Variants in HSD17B12 observed in about 807,000 individuals in gnomAD.
The protein encoded by HSD17B12 is very-long-chain 3-oxoacyl-CoA reductase.
HSD17B12 carries 32 observed loss-of-function variants against 39.3 expected under a neutral mutation model. The ratio of observed to expected loss-of-function variants is 0.81; its 90% CI spans 0.61 to 1.09. The LOEUF is 1.09. Ranked by LOEUF, HSD17B12 falls within the 50% of genes least tolerant of loss-of-function variation. HSD17B12 has a pLI of 0.00. For missense variants in HSD17B12, 342 were observed against 382.9 expected, an observed-to-expected ratio of 0.89 and a Z score of 0.89; for synonymous variants, 150 against 146.7, an observed-to-expected ratio of 1.02 and a Z score of -0.16.
the HSD17B12 span, among the ~76,000 whole-genome samples, chr11:43,601,945 C>T: frequency 6.6e-6 from 1 of 152,158 alleles, no homozygotes; most frequent in Non-Finnish European, 1.5e-5. Flanking sequence ...GCTGCCCAGC[C>T]CCACCCCAAA....
At chr11:43,571,501 C>A in the HSD17B12 span, among the ~76,000 whole-genome samples, 32 of 152,152 alleles carry the variant, frequency 2.1e-4, 1 homozygote, top group African/African-American at 2.4e-5. Context: ...TCCAATGTGC[C>A]TTTTATCAGC....
intron 9 of HSD17B12, among the ~76,000 whole-genome samples, chr11:43,849,392 C>T (rs983694467): frequency 1.3e-5 from 2 of 152,174 alleles, no homozygotes; most frequent in Admixed American, 6.5e-5. Context: ...CACAATGAAA[C>T]CATGAGTTTT....
intron 10 of HSD17B12, 95 bp from the exon 11 acceptor site, chr11:43,855,049 A>G (rs1951569557): frequency 1.8e-6 from 2 of 1,109,092 alleles, no homozygotes; most frequent in South Asian, 3.1e-5. Flanking sequence ...ACCTATAAAT[A>G]AAAACAACAC....
the HSD17B12 span, among the ~76,000 whole-genome samples, chr11:43,593,516 G>A: frequency 6.6e-6 from 1 of 152,090 alleles, no homozygotes; most frequent in East Asian, 1.9e-4. Flanking sequence ...CCAGCCTTAA[G>A]TATAGGGAAA....
rs145306316 is a variant in HSD17B12, at chr11:43,840,712, C to T, written c.684+648C>T. Among the ~76,000 whole-genome samples, 128 of 152,244 alleles carry T rather than the reference C, an allele frequency of 8.4e-4. 2 individuals are homozygous for T. The East Asian group carries it at 0.02, about 24-fold the overall frequency. ...TGAAGTATGTGTCGGAATTTTCTTC[C>T]TTTTCAAGGCTGAATAAAATGCCAT... On this transcript the variant is annotated intron_variant, in intron 9 of 10. Transcript: ENST00000278353.
chr11:43,598,881 A>G, the HSD17B12 span, among the ~76,000 whole-genome samples: 1 of 152,200 alleles, frequency 6.6e-6, no homozygotes, highest in Admixed American at 6.5e-5. Flanking sequence ...ACATCTGCAC[A>G]TCACATCTGC....
upstream of HSD17B12, among the ~76,000 whole-genome samples, chr11:43,676,102 G>A (rs1212222219): frequency 6.6e-6 from 1 of 151,182 alleles, no homozygotes; most frequent in Non-Finnish European, 1.5e-5. Context: ...GTAAGAGCGG[G>A]AAAAAAAAGA....
chr11:43,660,656 C>T, the HSD17B12 span, among the ~76,000 whole-genome samples: 9 of 152,306 alleles, frequency 5.9e-5, no homozygotes, highest in African/African-American at 1.7e-4. Flanking sequence ...ACCATATAAC[C>T]TATTAGTTTG....
intron 6 of HSD17B12, among the ~76,000 whole-genome samples, chr11:43,824,349 G>A (rs950266011): frequency 3.9e-5 from 6 of 152,280 alleles, no homozygotes; most frequent in Admixed American, 6.5e-5. Flanking sequence ...GAATGACATC[G>A]ACTAAATTAA....
chr11:43,564,537 A>G, the HSD17B12 span, among the ~76,000 whole-genome samples: 7 of 152,292 alleles, frequency 4.6e-5, no homozygotes, highest in South Asian at 1.5e-3. Flanking sequence ...AATCACTTAT[A>G]TCGTGTAAGT....
chr11:43,585,457 C>T, the HSD17B12 span, among the ~76,000 whole-genome samples: 6 of 152,108 alleles, frequency 3.9e-5, no homozygotes, highest in Non-Finnish European at 8.8e-5. Flanking sequence ...GAGGGAAACT[C>T]GAGGCTTATG....
intron 1 of HSD17B12, among the ~76,000 whole-genome samples, chr11:43,736,968 A>C (rs1288887773): frequency 6.6e-6 from 1 of 152,200 alleles, no homozygotes; most frequent in Non-Finnish European, 1.5e-5. Context: ...TCCCAAGAGG[A>C]ATACTGATGC....
At chr11:43,597,432 A>T in the HSD17B12 span, among the ~76,000 whole-genome samples, 1 of 152,216 alleles carries the variant, frequency 6.6e-6, no homozygotes, top group East Asian at 1.9e-4. Context: ...CAGATTGTAG[A>T]GGAAGTTGAA....
At position 43,703,098 on chromosome 11, in the gene HSD17B12, GTGTT is replaced by G. The variant is rs556363838; in HGVS notation, c.160+22114_160+22117del. On this transcript the variant is annotated intron_variant, in intron 1 of 10. Coordinates refer to ENST00000278353, the MANE Select transcript of HSD17B12 (RefSeq NM_016142.3). ...CAAAGTAATACTGGCCTCATAGAAA[GTGTT>G]TGGAAGTATTCCCTCCTCCTCTAGT... Among the ~76,000 whole-genome samples, 13 of 152,278 alleles carry G rather than the reference GTGTT, an allele frequency of 8.5e-5. No homozygotes were observed. In the South Asian group the frequency reaches 2.1e-3, roughly 24 times the overall value.
At chr11:43,757,429 C>T (rs1347619409) in intron 3 of HSD17B12, among the ~76,000 whole-genome samples, 2 of 149,426 alleles carry the variant, frequency 1.3e-5, no homozygotes, top group Non-Finnish European at 3.0e-5. Context: ...GTCAGGAGAT[C>T]GAGACCATCC....
intron 1 of HSD17B12, among the ~76,000 whole-genome samples, chr11:43,720,090 A>C (rs568977616): frequency 1.3e-5 from 2 of 152,328 alleles, no homozygotes; most frequent in South Asian, 4.1e-4. Context: ...CTATATTTTC[A>C]AGGTCTCAAC....
At chr11:43,773,169 A>G (rs1292987940) in intron 3 of HSD17B12, among the ~76,000 whole-genome samples, 1 of 152,178 alleles carries the variant, frequency 6.6e-6, no homozygotes, top group Non-Finnish European at 1.5e-5. Context: ...TTTCTTGAAT[A>G]TTTTATTAAG....
the HSD17B12 span, among the ~76,000 whole-genome samples, chr11:43,647,869 T>C: frequency 6.6e-6 from 1 of 152,212 alleles, no homozygotes; most frequent in Non-Finnish European, 1.5e-5. Context: ...TGATGAATTT[T>C]ATTTTTTGAT....
At chr11:43,651,302 C>T in the HSD17B12 span, among the ~76,000 whole-genome samples, 1 of 152,174 alleles carries the variant, frequency 6.6e-6, no homozygotes. Context: ...ATTCATCATA[C>T]TTTCTGTGCT....
Sources: gnomAD v4.1 joint callset for allele counts (sites outside exome capture counted in the v4.1 genomes callset) on GRCh38, gnomAD v4.1.1 for gene constraint, MANE v1.5 for transcripts, NCBI Gene and HGNC (gene_info 2026-07-23, HGNC 2026-07-21) for gene names.